The following NR2F2 variants were observed in gnomAD, a reference collection of about 807,000 sequenced individuals.
The protein encoded by NR2F2 is COUP transcription factor 2.
In NR2F2, 2 loss-of-function variants were observed where a neutral mutation model predicts 34.8. The ratio of observed to expected loss-of-function variants is 0.06; its 90% CI spans 0.02 to 0.18. The LOEUF (loss-of-function observed/expected upper bound fraction) is 0.18, where lower values mean the gene tolerates loss of function less well. NR2F2 is among the 10% of genes least tolerant of loss of function. The probability of loss-of-function intolerance (pLI) is 1.00; values close to 1 mark genes in which losing one functional copy is unlikely to be tolerated. For missense variants in NR2F2, 300 were observed against 580.1 expected (o/e 0.52, Z 4.96); for synonymous variants, 274 against 251.8 (o/e 1.09, Z -0.84).
In NR2F2 at chr15:96,338,561, C is replaced by T. The variant is rs1464107620; in HGVS notation, c.*939C>T. The stretch of plus-strand genomic sequence containing the variant: ...TTTGTATTATAATTGTTGATATTTT[C>T]CCTTTTTAAAAAATACCATTGAAAT... On this transcript the variant is annotated 3_prime_UTR_variant, in exon 3 of 3. Transcript: ENST00000394166. 3 of 152,456 alleles carry T rather than the reference C, an allele frequency of 2.0e-5. No individual in the cohort carries two copies. The highest frequency in any genetic ancestry group is 4.4e-5 in the Non-Finnish European group (3 of 68,010). The allele number at this position is 152,456 out of a possible 1,614,324, so 9.4% of individuals were successfully genotyped here.
chr15:96,332,880 G>T (rs1382992101), intron 1 of NR2F2, among the ~76,000 whole-genome samples: 1 of 136,500 alleles, frequency 7.3e-6, no homozygotes, highest in African/African-American at 2.8e-5. Flanking sequence ...CTCTGCCCTT[G>T]TTTTTCCTGC....
At position 96,331,052 on chromosome 15, in the gene NR2F2, GGCA is replaced by G. The variant is rs916162993; in HGVS notation, c.-1039_-1037del. On this transcript the variant is annotated 5_prime_UTR_variant, in exon 1 of 3. Transcript: ENST00000394166. ...TTCCCTATGTGTGTGAGGCGGCGGC[GGCA>G]GCAGCAGCAGCAGCGGCTCCGGCGG... 4.0e-4 allele frequency: 499 copies of G among 1,232,858 alleles called. No homozygotes were observed. The highest frequency in any genetic ancestry group is 7.3e-4 in the East Asian group (23 of 31,648). The allele number at this position is 1,232,858 out of a possible 1,614,324, so 76.4% of individuals were successfully genotyped here. A position where few individuals can be genotyped will look rare whatever the true frequency, so the allele number is the denominator to read the frequency against.
chr15:96,336,805 A>C (rs1027067979), intron 2 of NR2F2, among the ~76,000 whole-genome samples: 1 of 152,130 alleles, frequency 6.6e-6, no homozygotes, highest in African/African-American at 2.4e-5. Context: ...GGGCCACTTA[A>C]ATCAGTTTCA....
At chr15:96,330,468 C>T (rs951262680), upstream of NR2F2, among the ~76,000 whole-genome samples, 6 of 135,446 alleles carry the variant, frequency 4.4e-5, no homozygotes, top group African/African-American at 1.6e-4. Flanking sequence ...CCCCCGCGTG[C>T]CCCGCGCCGC....
intron 1 of NR2F2, 98 bp downstream of exon 1, chr15:96,332,645 C>G: frequency 1.3e-6 from 2 of 1,503,096 alleles, no homozygotes; most frequent in Non-Finnish European, 1.8e-6. Flanking sequence ...GCCCCAAGCT[C>G]TTCTCTTCGT....
upstream of NR2F2, chr15:96,326,881 C>G (rs751928569): frequency 6.5e-6 from 1 of 152,828 alleles, no homozygotes; most frequent in African/African-American, 2.4e-5. The surrounding 1 kb of genome is among the most constrained non-coding windows in gnomAD (Gnocchi z 5.5). Flanking sequence ...CCTAGCCCGG[C>G]GCCCTCGGCC....
intron 2 of NR2F2, among the ~76,000 whole-genome samples, chr15:96,336,134 C>T (rs770262430): frequency 6.6e-6 from 1 of 151,762 alleles, no homozygotes; most frequent in Non-Finnish European, 1.5e-5. Context: ...AGCTCTTAGC[C>T]TTACCCTTGG....
rs765228973 is a variant in NR2F2, at chr15:96,332,553, G to T, written c.442+6G>T. On this transcript the variant is annotated splice_donor_region_variant and intron_variant, in intron 1 of 2. Transcript: ENST00000394166. Reference sequence around the variant, plus strand: ...AGTGGGCATGAGACGGGAAGGTATCGGCCTCTCATTTCTCCTTCCCTCGTC... The same window carrying T: ...AGTGGGCATGAGACGGGAAGGTATCTGCCTCTCATTTCTCCTTCCCTCGTC... 1 of 1,606,052 alleles carries T rather than the reference G, an allele frequency of 6.2e-7. No individual in the cohort carries two copies. The highest frequency in any genetic ancestry group is 1.1e-5 in the South Asian group (1 of 90,948).
Position 96,337,326 on chromosome 15 carries a change from C to T in NR2F2, c.971-22C>T, listed in dbSNP as rs542591772. 8.1e-6 allele frequency: 13 copies of T among 1,596,286 alleles called. No homozygotes were observed. In the African/African-American group the frequency reaches 1.1e-4, roughly 13 times the overall value. On this transcript the variant is annotated intron_variant, in intron 2 of 2. Transcript: ENST00000394166. ...TCTTCTTTTTCTTCTTCTTCTTCTTCTGTTTTTAAACTTTCTTCCAGATGC... is the reference window on the plus strand; with the variant it reads ...TCTTCTTTTTCTTCTTCTTCTTCTTTTGTTTTTAAACTTTCTTCCAGATGC...
rs981680190 is a variant in NR2F2, at chr15:96,331,199, A to C, written c.-907A>C. On this transcript the variant is annotated 5_prime_UTR_variant, in exon 1 of 3. Transcript: ENST00000394166. ...GGCAGCGGCGGCCCGGGCGGCCCGC[A>C]GGGAACGGCGAGCGGCCTCCACCCA... is the stretch of plus-strand genomic sequence containing the variant. The C allele has an allele frequency of 1.0e-6, 1 of 972,044 alleles. No homozygotes were observed. 60.2% of individuals were successfully genotyped at this position (972,044 alleles called of 1,614,324 possible). A position where few individuals can be genotyped will look rare whatever the true frequency, so the allele number is the denominator to read the frequency against.
upstream of NR2F2, among the ~76,000 whole-genome samples, chr15:96,327,901 C>T (rs1216346423): frequency 6.6e-6 from 1 of 152,088 alleles, no homozygotes; most frequent in African/African-American, 2.4e-5. Flanking sequence ...TAAAGCTTGC[C>T]ATTCTTCTCA....
intron 1 of NR2F2, among the ~76,000 whole-genome samples, chr15:96,332,806 C>G (rs1899186091): frequency 6.6e-6 from 1 of 152,068 alleles, no homozygotes. Flanking sequence ...TCACTGGAGT[C>G]TGCCTTTCTG....
rs1355047547 is a variant in NR2F2, at chr15:96,331,049, G to GGCGGCA, written c.-1054_-1049dup. The GGCGGCA allele has an allele frequency of 4.0e-6, 5 of 1,242,524 alleles. No homozygotes were observed. Among genetic ancestry groups the GGCGGCA allele is most frequent in the Non-Finnish European group, 5.0e-6 (5 of 997,704 alleles). The allele number at this position is 1,242,524 out of a possible 1,614,324, so 77.0% of individuals were successfully genotyped here. A position where few individuals can be genotyped will look rare whatever the true frequency, so the allele number is the denominator to read the frequency against. On this transcript the variant is annotated 5_prime_UTR_variant, in exon 1 of 3. Transcript: ENST00000394166. ...TCTTTCCCTATGTGTGTGAGGCGGCGGCGGCAGCAGCAGCAGCAGCGGCTC... is the reference window on the plus strand; with the variant it reads ...TCTTTCCCTATGTGTGTGAGGCGGCGGCGGCAGCGGCAGCAGCAGCAGCAGCGGCTC...
chr15:96,339,575 A>G lies in NR2F2; in HGVS notation c.*1953A>G, dbSNP rs1055815347. The G allele has an allele frequency of 1.3e-5, 2 of 152,206 alleles. No individual in the cohort carries two copies. The highest frequency in any genetic ancestry group is 1.3e-4 in the Admixed American group (2 of 15,282). The allele number at this position is 152,206 out of a possible 1,614,324, so 9.4% of individuals were successfully genotyped here. A position where few individuals can be genotyped will look rare whatever the true frequency, so the allele number is the denominator to read the frequency against. ...TGACATTTCAGATTGTGTGGCTACA[A>G]TCTGTACTGCTCTTGGGATCCTTTG... On this transcript the variant is annotated 3_prime_UTR_variant, in exon 3 of 3. Transcript: ENST00000394166.
At chr15:96,326,098 A>T, upstream of NR2F2, 1 of 609,274 alleles carries the variant, frequency 1.6e-6, no homozygotes, top group Non-Finnish European at 2.9e-6. The surrounding 1 kb of genome is among the most constrained non-coding windows in gnomAD (Gnocchi z 5.5). Flanking sequence ...TACATGGGGA[A>T]GCACTTCCTT....
At chr15:96,326,373 T>G, upstream of NR2F2, 2 of 1,605,882 alleles carry the variant, frequency 1.2e-6, no homozygotes, top group Non-Finnish European at 1.7e-6. This position sits in a 1 kb window ranked among gnomAD's most constrained non-coding sequence, Gnocchi z 5.5. Context: ...TTACAGTATT[T>G]TTTCTCTCTC....
intron 1 of NR2F2, 150 bp downstream of exon 1, chr15:96,332,697 A>G: frequency 7.0e-7 from 1 of 1,432,702 alleles, no homozygotes; most frequent in Non-Finnish European, 9.2e-7. Context: ...CGAGTTCTGC[A>G]TTGGAACCCA....
chr15:96,334,409 A>G lies in NR2F2; in HGVS notation c.776A>G (p.Gln259Arg), dbSNP rs1899256200. ...GAGCTGTTTGTGTTGAATGCGGCGC[A>G]GTGCTCCATGCCCCTCCACGTCGCC... ...WSELFVLNAA[Q>R]CSMPLHVAPL... The change falls in exon 2 of 3, where the codon CAG becomes CGG. Residue 259 changes from glutamine (Q) to arginine (R), a missense_variant. This residue lies in a region of NR2F2 where 164 missense variants were observed against 365.3 expected (regional missense o/e 0.45). Coordinates refer to ENST00000394166, the MANE Select transcript of NR2F2 (RefSeq NM_021005.4). The G allele has an allele frequency of 6.2e-7, 1 of 1,614,070 alleles. No individual in the cohort carries two copies. The highest frequency in any genetic ancestry group is 8.5e-7 in the Non-Finnish European group (1 of 1,180,002).
In NR2F2 at chr15:96,332,190, G is replaced by A; in HGVS notation, c.85G>A (p.Val29Met). Residue 29 changes from valine to methionine, a missense_variant, in exon 1 of 3, where the codon GTG becomes ATG. Val to Met is a conservative substitution (Grantham distance 21, BLOSUM62 1). Around this residue, in one of 6 missense-constraint regions of NR2F2, gnomAD observed 105 missense variants for 107.8 expected, o/e 0.97. Coordinates refer to ENST00000394166, the MANE Select transcript of NR2F2 (RefSeq NM_021005.4). ...CAGCCAGGCCTCGCAGGCGCCGCCC[G>A]TGCCCGGCCCGCCGCCCGGCGCCCC... ...QGSQASQAPP[V>M]PGPPPGAPHT... The A allele has an allele frequency of 1.1e-5, 15 of 1,333,184 alleles. No homozygotes were observed. Among genetic ancestry groups the A allele is most frequent in the Admixed American group, 3.7e-5 (1 of 26,944 alleles). 82.6% of individuals were successfully genotyped at this position (1,333,184 alleles called of 1,614,324 possible).
Sources: allele counts gnomAD v4.1 joint callset (sites outside exome capture counted in the v4.1 genomes callset), GRCh38; gene constraint gnomAD v4.1.1; regional missense constraint gnomAD v4.1.1; non-coding constraint Gnocchi (gnomAD v3.1); transcripts MANE v1.5; gene names NCBI Gene and HGNC (gene_info 2026-07-23, HGNC 2026-07-21).